SH3BGR: variants seen among roughly 807,000 people sequenced by gnomAD.
The protein encoded by SH3BGR is SH3 domain-binding glutamic acid-rich protein.
Under a neutral mutation model 24.5 loss-of-function variants are expected in SH3BGR, and 29 were observed. That is an observed-to-expected ratio of 1.18 (90% confidence interval 0.88 to 1.61). The LOEUF (loss-of-function observed/expected upper bound fraction) is 1.61. Among genes scored for constraint, SH3BGR ranks in the 40% most tolerant of loss-of-function variants. SH3BGR has a pLI of 0.00. For synonymous variants in SH3BGR, 55 were observed against 65.7 expected, an observed-to-expected ratio of 0.84 and a Z score of 0.79; for missense variants, 162 against 205.8, an observed-to-expected ratio of 0.79 and a Z score of 1.30.
Position 39,508,714 on chromosome 21 carries a change from ATG to A in SH3BGR, c.406-282_406-281del, listed in dbSNP as rs1302356762. 5.3e-5 allele frequency among the ~76,000 whole-genome samples: 8 copies of A among 152,350 alleles called. No homozygotes were observed. In the East Asian group the frequency reaches 1.5e-3, roughly 29 times the overall value. The stretch of plus-strand genomic sequence containing the variant: ...TGGTATGCTTTAGAAATAGAATTGA[ATG>A]TATTACTAAGCAGTATTAATAATTA... On this transcript the variant is annotated intron_variant, in intron 4 of 6. Coordinates refer to ENST00000333634, the MANE Select transcript of SH3BGR (RefSeq NM_007341.3).
intron 1 of SH3BGR, among the ~76,000 whole-genome samples, chr21:39,457,229 G>T (rs2077670803): frequency 1.1e-5 from 1 of 92,094 alleles, no homozygotes; most frequent in Non-Finnish European, 2.1e-5. Flanking sequence ...ATCATATATA[G>T]TTAAATATAA....
At chr21:39,494,254 T>TTC (rs1296237549) in intron 3 of SH3BGR, among the ~76,000 whole-genome samples, 41 of 116,494 alleles carry the variant, frequency 3.5e-4, no homozygotes, top group African/African-American at 8.9e-4. Flanking sequence ...TCTTCTTCTT[T>TTC]TTTTTTTTAA....
At chr21:39,476,516 A>G (rs1022007911) in intron 3 of SH3BGR, among the ~76,000 whole-genome samples, 1 of 152,178 alleles carries the variant, frequency 6.6e-6, no homozygotes, top group Non-Finnish European at 1.5e-5. Context: ...AATGGCAGAC[A>G]TCATTGTTTT....
chr21:39,455,025 A>G lies in SH3BGR; in HGVS notation c.45+2884A>G, dbSNP rs552102166. On this transcript the variant is annotated intron_variant, in intron 1 of 6. Transcript: ENST00000333634. ...TGCTCAGAAAGCAGCCTTCCAAGCT[A>G]GGATGGAAACACAGGTCGTCTCTGG... Among the ~76,000 whole-genome samples the G allele has an allele frequency of 3.9e-5, 6 of 152,374 alleles. No homozygotes were observed. In the Middle Eastern group the frequency reaches 0.014, roughly 346 times the overall value.
chr21:39,460,834 A>G (rs2148458807), intron 1 of SH3BGR, among the ~76,000 whole-genome samples: 1 of 152,064 alleles, frequency 6.6e-6, no homozygotes, highest in East Asian at 1.9e-4. Flanking sequence ...TTGTCACCCA[A>G]GCTGGAGTGC....
intron 3 of SH3BGR, among the ~76,000 whole-genome samples, chr21:39,481,942 C>T (rs1368961869): frequency 6.6e-6 from 1 of 152,072 alleles, no homozygotes; most frequent in Non-Finnish European, 1.5e-5. Context: ...GTATTAGCCC[C>T]GCCAAACATT....
intron 3 of SH3BGR, among the ~76,000 whole-genome samples, chr21:39,487,389 C>A (rs1234879857): frequency 6.6e-6 from 1 of 152,236 alleles, no homozygotes; most frequent in South Asian, 2.1e-4. Context: ...GTGATCCTCC[C>A]ACCCCAGCCT....
chr21:39,476,694 C>T (rs75547459), intron 3 of SH3BGR, among the ~76,000 whole-genome samples: 2,188 of 152,236 alleles, frequency 0.014, 22 homozygotes, highest in Middle Eastern at 0.058. Flanking sequence ...AGTTCTCTGT[C>T]TTTCAGTAGA....
Position 39,505,570 on chromosome 21 carries a change from C to T in SH3BGR, c.406-3428C>T, listed in dbSNP as rs199498907. Among the ~76,000 whole-genome samples, 6 of 152,080 alleles carry T rather than the reference C, an allele frequency of 3.9e-5. No homozygotes were observed. In the East Asian group the frequency reaches 7.7e-4, roughly 20 times the overall value. ...CTGAAGGTCAGGAGTTTGAAACCAG[C>T]GTGGCCAACATGGTGAAACCCCATC... On this transcript the variant is annotated intron_variant, in intron 4 of 6. Coordinates refer to ENST00000333634, the MANE Select transcript of SH3BGR (RefSeq NM_007341.3).
At chr21:39,500,515 G>C (rs923570618) in intron 4 of SH3BGR, among the ~76,000 whole-genome samples, 1 of 152,088 alleles carries the variant, frequency 6.6e-6, no homozygotes, top group Non-Finnish European at 1.5e-5. Context: ...TTCTGTGAGT[G>C]CCAAGCTGAC....
intron 2 of SH3BGR, among the ~76,000 whole-genome samples, chr21:39,469,742 C>T (rs541645755): frequency 1.6e-4 from 25 of 152,104 alleles, no homozygotes; most frequent in African/African-American, 5.8e-4. Flanking sequence ...CAACCTCTGC[C>T]TCCCGAGTTC....
At chr21:39,513,942 G>A (rs1381600192) in intron 6 of SH3BGR, among the ~76,000 whole-genome samples, 1 of 152,126 alleles carries the variant, frequency 6.6e-6, no homozygotes, top group African/African-American at 2.4e-5. Flanking sequence ...AATCTTTAAT[G>A]TAGACAGATG....
At chr21:39,451,844 C>T, upstream of SH3BGR, 1 of 1,557,732 alleles carries the variant, frequency 6.4e-7, no homozygotes, top group Non-Finnish European at 8.7e-7. Flanking sequence ...CTTTTATCGA[C>T]CAATCAAATA....
At chr21:39,473,990 C>G (rs554135190) in intron 2 of SH3BGR, among the ~76,000 whole-genome samples, 1 of 151,900 alleles carries the variant, frequency 6.6e-6, no homozygotes, top group South Asian at 2.1e-4. Context: ...TTTTGTGAGT[C>G]AGGGTGTTGC....
intron 1 of SH3BGR, 100 bp downstream of exon 1, chr21:39,452,241 G>A: frequency 1.5e-6 from 2 of 1,372,116 alleles, no homozygotes; most frequent in Non-Finnish European, 1.0e-6. Context: ...TTTGCGTGTA[G>A]TCAGCTGTGG....
intron 3 of SH3BGR, among the ~76,000 whole-genome samples, chr21:39,480,897 A>G (rs1014885412): frequency 2.0e-5 from 3 of 152,202 alleles, no homozygotes; most frequent in African/African-American, 7.2e-5. Context: ...ATATTCATGT[A>G]TATGCTTCTC....
chr21:39,449,514 C>T (rs905840332), upstream of SH3BGR, among the ~76,000 whole-genome samples: 1 of 152,072 alleles, frequency 6.6e-6, no homozygotes, highest in Non-Finnish European at 1.5e-5. Flanking sequence ...TTGGAATGTT[C>T]GCTATTCCTG....
Position 39,511,969 on chromosome 21 carries a change from C to G in SH3BGR, c.*34+160C>G, listed in dbSNP as rs1470583534. On this transcript the variant is annotated intron_variant, in intron 6 of 6. Transcript: ENST00000333634. This position sits in a 1 kb window ranked among gnomAD's most constrained non-coding sequence, Gnocchi z 4.2. Reference sequence around the variant, plus strand: ...CACACCTTTCTGGCGGGGTCCAGCTCCTTTCTAGAGCTGCGGGGCTGCTGA... The same window carrying G: ...CACACCTTTCTGGCGGGGTCCAGCTGCTTTCTAGAGCTGCGGGGCTGCTGA... Among the ~76,000 whole-genome samples, 5 of 152,142 alleles carry G rather than the reference C, an allele frequency of 3.3e-5. No homozygotes were observed. The East Asian group carries it at 9.6e-4, about 29-fold the overall frequency.
chr21:39,514,916 A>G (rs576827423), intron 6 of SH3BGR, among the ~76,000 whole-genome samples, 172 bp from the exon 7 acceptor site: 1 of 152,338 alleles, frequency 6.6e-6, no homozygotes, highest in South Asian at 2.1e-4. Flanking sequence ...AATCTAGCTT[A>G]GTTTTCCATG....
Sources: gnomAD v4.1 joint callset for allele counts (sites outside exome capture counted in the v4.1 genomes callset) on GRCh38, gnomAD v4.1.1 for gene constraint, Gnocchi (gnomAD v3.1) non-coding constraint, MANE v1.5 for transcripts, NCBI Gene and HGNC (gene_info 2026-07-23, HGNC 2026-07-21) for gene names.